Variants in MAPK14 observed in about 807,000 individuals in gnomAD.
MAPK14 encodes the protein CSAID-binding protein.
A neutral mutation model predicts 49.6 loss-of-function variants in MAPK14; 16 were observed. The ratio of observed to expected loss-of-function variants is 0.32; its 90% confidence interval spans 0.22 to 0.49. The LOEUF (loss-of-function observed/expected upper bound fraction) is 0.49, where lower values mean the gene tolerates loss of function less well. Ranked by LOEUF, MAPK14 falls within the 20% of genes least tolerant of loss-of-function variation. The pLI, the probability that MAPK14 is intolerant of heterozygous loss-of-function variation, is 0.99. For synonymous variants in MAPK14, 142 were observed against 158.0 expected (o/e 0.90, Z 0.76); for missense variants, 200 against 441.2 (o/e 0.45, Z 4.90).
At position 36,109,015 on chromosome 6, in the gene MAPK14, G is replaced by C. The variant is rs1765886835; in HGVS notation, c.*568G>C. 6.5e-6 allele frequency: 1 copy of C among 153,798 alleles called. No homozygotes were observed. Among genetic ancestry groups the C allele is most frequent in the South Asian group, 2.0e-4 (1 of 4,916 alleles). The allele number at this position is 153,798 out of a possible 1,614,324, so 9.5% of individuals were successfully genotyped here. On this transcript the variant is annotated 3_prime_UTR_variant, in exon 12 of 12. Coordinates refer to ENST00000229794, the MANE Select transcript of MAPK14 (RefSeq NM_139012.3). ...ATTAACTTGCTTAGTATGGTTCTCA[G>C]ATCTTGACAGTATATTTGAAACTGT...
the MAPK14 span, among the ~76,000 whole-genome samples, chr6:36,120,391 C>A: frequency 2.6e-5 from 4 of 152,084 alleles, no homozygotes; most frequent in Non-Finnish European, 5.9e-5. Context: ...CTCCCACCCC[C>A]ACCAGCCAAG....
intron 1 of MAPK14, among the ~76,000 whole-genome samples, chr6:36,045,156 A>G (rs1490879290): frequency 6.6e-6 from 1 of 152,020 alleles, no homozygotes; most frequent in African/African-American, 2.4e-5. Flanking sequence ...CAACACCGTA[A>G]TATTTTGTAC....
At chr6:36,059,426 G>A in intron 3 of MAPK14, 79 bp downstream of exon 3, 1 of 1,029,144 alleles carries the variant, frequency 9.7e-7, no homozygotes, top group South Asian at 1.3e-5. Context: ...GAACCATTTA[G>A]CAACATATAG....
rs1263358686 is a variant in MAPK14, at chr6:36,100,259, A to G, written c.763-2312A>G. 6 of 1,612,780 alleles carry G rather than the reference A, an allele frequency of 3.7e-6. No homozygotes were observed. In the African/African-American group the frequency reaches 8.0e-5, roughly 22 times the overall value. On this transcript the variant is annotated intron_variant, in intron 9 of 11. Coordinates refer to ENST00000229794, the MANE Select transcript of MAPK14 (RefSeq NM_139012.3). ...CGCTTATCTCATTAACAGGATGCCAAGCCATGAGGTGAGAACAAAGAGACT... is the reference window on the plus strand; with the variant it reads ...CGCTTATCTCATTAACAGGATGCCAGGCCATGAGGTGAGAACAAAGAGACT...
At chr6:36,093,100 A>T (rs772895995) in intron 8 of MAPK14, among the ~76,000 whole-genome samples, 1 of 152,190 alleles carries the variant, frequency 6.6e-6, no homozygotes, top group Non-Finnish European at 1.5e-5. Context: ...GCTTGGAAGG[A>T]CGGGAGAAGG....
intron 1 of MAPK14, among the ~76,000 whole-genome samples, chr6:36,050,186 C>T (rs192805116): frequency 6.6e-6 from 1 of 152,176 alleles, no homozygotes; most frequent in African/African-American, 2.4e-5. Context: ...TGAGATTACC[C>T]AAGGTTAGAC....
chr6:36,065,859 A>G (rs1581777854), intron 3 of MAPK14, among the ~76,000 whole-genome samples: 3 of 152,164 alleles, frequency 2.0e-5, no homozygotes, highest in East Asian at 1.9e-4. Flanking sequence ...TTGGATGAGC[A>G]TACTAGTTGA....
intron 3 of MAPK14, 50 bp downstream of exon 3, chr6:36,059,397 A>C (rs1294036069): frequency 1.2e-5 from 15 of 1,265,906 alleles, no homozygotes; most frequent in Non-Finnish European, 1.6e-5. Flanking sequence ...ATGAAGACTA[A>C]TAGCCCATTT....
the MAPK14 span, among the ~76,000 whole-genome samples, chr6:36,122,524 G>A: frequency 6.6e-6 from 1 of 152,192 alleles, no homozygotes; most frequent in Non-Finnish European, 1.5e-5. Context: ...TTCCAGGTAC[G>A]TGGAATTCAG....
rs1485753030 is a variant in MAPK14 at position 36,027,834 on chromosome 6, T to C, written c.-324T>C. ...CTGGAGCCTTAGCGGGCGCAGCAGC[T>C]GGAACGGGAGTACTGCGACGCAGCC... On this transcript the variant is annotated 5_prime_UTR_variant, in exon 1 of 12. Transcript: ENST00000229794. 8 of 400,886 alleles carry C rather than the reference T, an allele frequency of 2.0e-5. No individual in the cohort carries two copies. Among genetic ancestry groups the C allele is most frequent in the East Asian group, 3.6e-5 (1 of 28,078 alleles). The allele number at this position is 400,886 out of a possible 1,614,324, so 24.8% of individuals were successfully genotyped here.
chr6:36,056,486 G>A (rs778387611), intron 2 of MAPK14, among the ~76,000 whole-genome samples: 3 of 152,180 alleles, frequency 2.0e-5, no homozygotes, highest in African/African-American at 4.8e-5. Flanking sequence ...AAGTGCCAGC[G>A]TTATTGGAAT....
chr6:36,060,421 T>C (rs992021636), intron 3 of MAPK14, among the ~76,000 whole-genome samples: 1 of 152,236 alleles, frequency 6.6e-6, no homozygotes, highest in South Asian at 2.1e-4. Flanking sequence ...ATATACACTA[T>C]ACCATGAAAG....
At chr6:36,084,947 A>C (rs867197556) in intron 8 of MAPK14, among the ~76,000 whole-genome samples, 1 of 152,228 alleles carries the variant, frequency 6.6e-6, no homozygotes, top group Non-Finnish European at 1.5e-5. Flanking sequence ...GTCACCTACA[A>C]AGGGAAGCCC....
chr6:36,046,976 G>T (rs551417048), intron 1 of MAPK14, among the ~76,000 whole-genome samples: 1 of 152,328 alleles, frequency 6.6e-6, no homozygotes, highest in South Asian at 2.1e-4. Context: ...CAAACTCTGA[G>T]GTGGGAAGTT....
intron 8 of MAPK14, 76 bp downstream of exon 8, chr6:36,076,684 A>C: frequency 4.5e-6 from 5 of 1,100,164 alleles, no homozygotes; most frequent in South Asian, 1.4e-5. Context: ...CCTTTTACTT[A>C]TCTCTAGGGA....
chr6:36,118,989 C>T, the MAPK14 span, among the ~76,000 whole-genome samples: 3 of 152,164 alleles, frequency 2.0e-5, no homozygotes, highest in African/African-American at 7.2e-5. Flanking sequence ...CTTTGTCTAA[C>T]TATTATTCTT....
At chr6:36,046,214 A>AT (rs1273938942) in intron 1 of MAPK14, among the ~76,000 whole-genome samples, 1 of 152,146 alleles carries the variant, frequency 6.6e-6, no homozygotes, top group Non-Finnish European at 1.5e-5. Context: ...TCTTTCAGTT[A>AT]TTTTTTACTA....
At chr6:36,055,912 G>A (rs1763573824) in intron 2 of MAPK14, among the ~76,000 whole-genome samples, 1 of 152,010 alleles carries the variant, frequency 6.6e-6, no homozygotes, top group African/African-American at 2.4e-5. Flanking sequence ...TGGAGTGAGG[G>A]ATATTTTGTA....
At chr6:36,044,166 G>T (rs1221666531) in intron 1 of MAPK14, among the ~76,000 whole-genome samples, 1 of 152,088 alleles carries the variant, frequency 6.6e-6, no homozygotes, top group Admixed American at 6.5e-5. Flanking sequence ...TGCTAATTCA[G>T]TGTAACTACA....
Sources: allele counts gnomAD v4.1 joint callset (sites outside exome capture counted in the v4.1 genomes callset), GRCh38; gene constraint gnomAD v4.1.1; transcripts MANE v1.5; gene names NCBI Gene and HGNC (gene_info 2026-07-23, HGNC 2026-07-21).